Variants in ZNF385B observed in about 807,000 individuals in gnomAD.
The protein encoded by ZNF385B is zinc finger protein 385B.
Under a neutral mutation model 39.2 loss-of-function variants are expected in ZNF385B, and 23 were observed. That is an observed-to-expected ratio of 0.59 (90% confidence interval 0.42 to 0.83). The LOEUF is 0.83. Ranked by LOEUF, ZNF385B falls within the 40% of genes least tolerant of loss-of-function variation. The pLI, the probability that ZNF385B is intolerant of heterozygous loss-of-function variation, is 0.00. For missense variants in ZNF385B, 552 were observed against 598.9 expected, an observed-to-expected ratio of 0.92 and a Z score of 0.82; for synonymous variants, 205 against 222.6, an observed-to-expected ratio of 0.92 and a Z score of 0.70.
At chr2:179,560,527 CTGAT>C (rs2061260035) in intron 3 of ZNF385B, among the ~76,000 whole-genome samples, 1 of 152,182 alleles carries the variant, frequency 6.6e-6, no homozygotes, top group Admixed American at 6.5e-5. Flanking sequence ...TTTCCAAACT[CTGAT>C]TGACTTGTAT....
intron 3 of ZNF385B, among the ~76,000 whole-genome samples, chr2:179,642,636 T>C (rs948434425): frequency 1.4e-4 from 22 of 152,312 alleles, no homozygotes; most frequent in African/African-American, 4.8e-4. Flanking sequence ...TTTTTATTTG[T>C]CTTTTTCACT....
intron 5 of ZNF385B, among the ~76,000 whole-genome samples, chr2:179,509,867 T>A (rs1412823647): frequency 6.6e-6 from 1 of 152,232 alleles, no homozygotes; most frequent in East Asian, 1.9e-4. Flanking sequence ...TTATCACTAC[T>A]GTGGTTATCT....
intron 4 of ZNF385B, among the ~76,000 whole-genome samples, chr2:179,542,335 G>A (rs2059970406): frequency 6.6e-6 from 1 of 152,144 alleles, no homozygotes; most frequent in South Asian, 2.1e-4. Flanking sequence ...GCTCCTGTTT[G>A]ATAAATGCCA....
chr2:179,814,035 T>C (rs774269287), intron 1 of ZNF385B, among the ~76,000 whole-genome samples: 2 of 152,226 alleles, frequency 1.3e-5, no homozygotes, highest in Non-Finnish European at 2.9e-5. Flanking sequence ...CTATTTAAAA[T>C]AGTTATTTAC....
At chr2:179,632,254 C>T (rs890455450) in intron 3 of ZNF385B, among the ~76,000 whole-genome samples, 6 of 152,176 alleles carry the variant, frequency 3.9e-5, no homozygotes, top group African/African-American at 1.4e-4. Context: ...ATACATTCTT[C>T]TCAGCACCAC....
intron 5 of ZNF385B, among the ~76,000 whole-genome samples, chr2:179,509,059 G>T (rs1574514007): frequency 6.6e-6 from 1 of 151,196 alleles, no homozygotes; most frequent in Middle Eastern, 3.4e-3. Flanking sequence ...CCATTCTCCT[G>T]CCTCAGCCTC....
rs1228616057 is a variant in ZNF385B at position 179,493,707 on chromosome 2, ACACATATG to A, written c.553-10281_553-10274del. Reference sequence around the variant, plus strand: ...TATACACATATATACATATATGTATACACATATGCATATACGTATATACATATATGTAT... The same window carrying A: ...TATACACATATATACATATATGTATACATATACGTATATACATATATGTAT... On this transcript the variant is annotated intron_variant, in intron 5 of 9. Transcript: ENST00000410066. Among the ~76,000 whole-genome samples the A allele has an allele frequency of 3.9e-5, 4 of 102,648 alleles. No homozygotes were observed. In the East Asian group the frequency reaches 1.2e-3, roughly 32 times the overall value. The allele number at this position is 102,648 out of a possible 152,430, so 67.3% of individuals were successfully genotyped here.
intron 5 of ZNF385B, among the ~76,000 whole-genome samples, chr2:179,516,278 G>T (rs2058083845): frequency 6.6e-6 from 1 of 152,006 alleles, no homozygotes; most frequent in South Asian, 2.1e-4. Flanking sequence ...TTTGCCTTGG[G>T]GATATACTTA....
At chr2:179,597,240 A>G (rs1350092737) in intron 3 of ZNF385B, among the ~76,000 whole-genome samples, 2 of 152,172 alleles carry the variant, frequency 1.3e-5, no homozygotes, top group African/African-American at 2.4e-5. Context: ...TACCTAATTT[A>G]TATCTTCAGA....
intron 3 of ZNF385B, among the ~76,000 whole-genome samples, chr2:179,603,198 C>T (rs1554100): frequency 1 from 151,914 of 152,242 alleles, 75,794 homozygotes; most frequent in Non-Finnish European, 1. Flanking sequence ...CTGGGGGCCC[C>T]AGACACATCA....
chr2:179,751,872 T>C (rs910837058), intron 3 of ZNF385B, among the ~76,000 whole-genome samples: 1 of 152,184 alleles, frequency 6.6e-6, no homozygotes, highest in Admixed American at 6.6e-5. Context: ...ATGTCCTGAC[T>C]TTAAAATCTA....
intron 1 of ZNF385B, among the ~76,000 whole-genome samples, chr2:179,846,337 T>C (rs1010436556): frequency 6.6e-6 from 1 of 152,196 alleles, no homozygotes; most frequent in Non-Finnish European, 1.5e-5. Flanking sequence ...ATCAGATATG[T>C]TGCTGGCTTG....
chr2:179,809,111 G>A (rs1308651592), intron 1 of ZNF385B, among the ~76,000 whole-genome samples: 2 of 152,076 alleles, frequency 1.3e-5, no homozygotes, highest in Non-Finnish European at 2.9e-5. Context: ...AAACATAAAA[G>A]CTCAAGGGCA....
intron 1 of ZNF385B, among the ~76,000 whole-genome samples, chr2:179,803,461 CTT>C (rs774893565): frequency 2.6e-5 from 4 of 152,072 alleles, no homozygotes; most frequent in South Asian, 4.1e-4. Flanking sequence ...AAAAAACAGT[CTT>C]AATATAAACA....
chr2:179,558,799 T>G (rs2061128452), intron 3 of ZNF385B, among the ~76,000 whole-genome samples: 2 of 152,136 alleles, frequency 1.3e-5, no homozygotes, highest in South Asian at 4.1e-4. Flanking sequence ...TATCAGCAAA[T>G]AAGCCATTCT....
intron 3 of ZNF385B, among the ~76,000 whole-genome samples, chr2:179,580,753 T>C (rs1009281316): frequency 1.3e-5 from 2 of 152,202 alleles, no homozygotes; most frequent in Non-Finnish European, 2.9e-5. Context: ...TTCAGAACTA[T>C]GAAAAATTTG....
At chr2:179,570,811 C>G (rs1228985341) in intron 3 of ZNF385B, among the ~76,000 whole-genome samples, 2 of 152,188 alleles carry the variant, frequency 1.3e-5, no homozygotes, top group African/African-American at 4.8e-5. Flanking sequence ...GTTCATTTCT[C>G]AGAGAGAGGA....
intron 4 of ZNF385B, among the ~76,000 whole-genome samples, chr2:179,537,923 C>G (rs532574975): frequency 6.6e-6 from 1 of 151,854 alleles, no homozygotes; most frequent in East Asian, 1.9e-4. Context: ...GTTGAGTTAT[C>G]TAAGCCTAAC....
intron 3 of ZNF385B, among the ~76,000 whole-genome samples, chr2:179,718,539 G>A (rs7584968): frequency 2.0e-5 from 3 of 147,454 alleles, no homozygotes; most frequent in African/African-American, 4.9e-5. Context: ...AAGAGAGAGA[G>A]ATATATATAT....
Sources: allele counts gnomAD v4.1 joint callset (sites outside exome capture counted in the v4.1 genomes callset), GRCh38; gene constraint gnomAD v4.1.1; transcripts MANE v1.5; gene names NCBI Gene and HGNC (gene_info 2026-07-23, HGNC 2026-07-21).